Variants in DSCAM observed in about 807,000 individuals in gnomAD.
The protein encoded by DSCAM is DS cell adhesion molecule, also known as cell adhesion molecule DSCAM.
In DSCAM, 47 loss-of-function variants were observed where a neutral mutation model predicts 217.7. The ratio of observed to expected loss-of-function variants is 0.22; its 90% CI spans 0.17 to 0.28. The LOEUF (loss-of-function observed/expected upper bound fraction) is 0.28. DSCAM is among the 10% of genes least tolerant of loss of function. DSCAM has a pLI of 1.00. For synonymous variants in DSCAM, 1,056 were observed against 1,015.3 expected (o/e 1.04, Z -0.76); for missense variants, 2,080 against 2,618.3 (o/e 0.79, Z 4.49).
chr21:40,795,688 T>C (rs2091685398), intron 1 of DSCAM, among the ~76,000 whole-genome samples: 1 of 152,150 alleles, frequency 6.6e-6, no homozygotes, highest in Non-Finnish European at 1.5e-5. Context: ...CAGAGAATAA[T>C]CAGGGGAAAT....
chr21:40,138,216 G>T (rs945640177), intron 18 of DSCAM, among the ~76,000 whole-genome samples: 7 of 152,206 alleles, frequency 4.6e-5, no homozygotes, highest in African/African-American at 1.7e-4. Context: ...AACAATATTT[G>T]CCCCTCTCAG....
intron 13 of DSCAM, 33 bp downstream of exon 13, chr21:40,187,858 T>C (rs746513026): frequency 6.4e-7 from 1 of 1,564,214 alleles, no homozygotes; most frequent in South Asian, 1.1e-5. Flanking sequence ...CTGAAATGAC[T>C]GTGTTTATTC....
intron 3 of DSCAM, among the ~76,000 whole-genome samples, chr21:40,584,730 G>A (rs781731988): frequency 1.4e-4 from 21 of 152,080 alleles, no homozygotes; most frequent in African/African-American, 3.1e-4. Flanking sequence ...TCCAGGAAGC[G>A]CTGTAGGTGG....
At chr21:40,720,200 C>T (rs1415132756) in intron 1 of DSCAM, among the ~76,000 whole-genome samples, 3 of 152,230 alleles carry the variant, frequency 2.0e-5, no homozygotes, top group African/African-American at 4.8e-5. Context: ...CATAGGAATA[C>T]GTGAGTGGGT....
At chr21:40,678,691 T>C (rs747739097) in intron 3 of DSCAM, among the ~76,000 whole-genome samples, 2 of 152,166 alleles carry the variant, frequency 1.3e-5, no homozygotes, top group Non-Finnish European at 2.9e-5. Context: ...TGGTGAAGCA[T>C]ATTGATCACT....
intron 18 of DSCAM, 134 bp downstream of exon 18, chr21:40,142,424 A>G (rs1044610871): frequency 1.0e-6 from 1 of 967,048 alleles, no homozygotes; most frequent in Non-Finnish European, 1.5e-6. Flanking sequence ...GGGATGACAG[A>G]AAAGGGGAAA....
At position 40,716,321 on chromosome 21, in the gene DSCAM, C is replaced by T. The variant is rs549525639; in HGVS notation, c.44-7550G>A. Among the ~76,000 whole-genome samples, 4 of 152,170 alleles carry T rather than the reference C, an allele frequency of 2.6e-5. No individual in the cohort carries two copies. The South Asian group carries it at 8.3e-4, about 32-fold the overall frequency. Reference sequence around the variant, plus strand: ...TTCTTTTTATAGAGTGCCTCCTGCTCTTTAATACAGTAACATTTGCTTCCT... The same window carrying T: ...TTCTTTTTATAGAGTGCCTCCTGCTTTTTAATACAGTAACATTTGCTTCCT... On this transcript the variant is annotated intron_variant, in intron 1 of 32. Coordinates refer to ENST00000400454, the MANE Select transcript of DSCAM (RefSeq NM_001389.5).
At chr21:40,598,653 C>G (rs886620617) in intron 3 of DSCAM, among the ~76,000 whole-genome samples, 1 of 151,712 alleles carries the variant, frequency 6.6e-6, no homozygotes, top group Non-Finnish European at 1.5e-5. Flanking sequence ...TACAGGTGCA[C>G]GCCATGACAC....
chr21:40,175,297 A>G (rs1220234255), intron 15 of DSCAM, among the ~76,000 whole-genome samples: 1 of 152,042 alleles, frequency 6.6e-6, no homozygotes, highest in East Asian at 1.9e-4. Flanking sequence ...TATTTTTAGT[A>G]GAGACGGAGT....
chr21:40,453,608 C>G (rs1435332707), intron 3 of DSCAM, among the ~76,000 whole-genome samples: 1 of 152,236 alleles, frequency 6.6e-6, no homozygotes, highest in Admixed American at 6.5e-5. Flanking sequence ...TCCATCTGAG[C>G]ATTGCTTAGT....
intron 3 of DSCAM, among the ~76,000 whole-genome samples, chr21:40,636,654 A>G (rs1265680548): frequency 6.6e-6 from 1 of 151,756 alleles, no homozygotes; most frequent in Non-Finnish European, 1.5e-5. Flanking sequence ...ATACTATGCT[A>G]TATTTTCATT....
chr21:40,734,919 G>C lies in DSCAM; in HGVS notation c.44-26148C>G, dbSNP rs532279265. 2.4e-4 allele frequency among the ~76,000 whole-genome samples: 37 copies of C among 152,332 alleles called. No individual in the cohort carries two copies. The South Asian group carries it at 4.4e-3, about 18-fold the overall frequency. On this transcript the variant is annotated intron_variant, in intron 1 of 32. Coordinates refer to ENST00000400454, the MANE Select transcript of DSCAM (RefSeq NM_001389.5). ...GACAAACGTGAATGTGCTTTTGGAAGAGAAGAGAGTAGACAAAGTAAGAAG... is the reference window on the plus strand; with the variant it reads ...GACAAACGTGAATGTGCTTTTGGAACAGAAGAGAGTAGACAAAGTAAGAAG...
chr21:40,738,634 G>C (rs570136831), intron 1 of DSCAM, among the ~76,000 whole-genome samples: 9 of 152,146 alleles, frequency 5.9e-5, no homozygotes, highest in African/African-American at 1.2e-4. Context: ...GAATCACCTA[G>C]AGTGATTGTT....
At chr21:40,503,644 C>T (rs1023415137) in intron 3 of DSCAM, among the ~76,000 whole-genome samples, 1 of 152,162 alleles carries the variant, frequency 6.6e-6, no homozygotes, top group Non-Finnish European at 1.5e-5. Context: ...AACTCTCAAA[C>T]AAAAATACAC....
intron 11 of DSCAM, among the ~76,000 whole-genome samples, chr21:40,253,965 G>A (rs1172028317): frequency 1.3e-5 from 2 of 152,228 alleles, no homozygotes; most frequent in African/African-American, 4.8e-5. Flanking sequence ...CCAGGCAGAA[G>A]TGTGGGAAGC....
chr21:40,192,356 G>A (rs985556811), intron 11 of DSCAM, among the ~76,000 whole-genome samples: 2 of 152,148 alleles, frequency 1.3e-5, no homozygotes, highest in Non-Finnish European at 2.9e-5. Flanking sequence ...TTGAATCATA[G>A]GGGTGGTTAC....
chr21:40,644,774 G>T (rs1399242482), intron 3 of DSCAM, among the ~76,000 whole-genome samples: 1 of 152,072 alleles, frequency 6.6e-6, no homozygotes, highest in Non-Finnish European at 1.5e-5. Flanking sequence ...TTCATTCCTT[G>T]TTGCATTTTT....
chr21:40,119,241 A>C (rs2090006063), intron 20 of DSCAM, among the ~76,000 whole-genome samples: 1 of 152,208 alleles, frequency 6.6e-6, no homozygotes, highest in Admixed American at 6.5e-5. Flanking sequence ...GTGTAAGAGT[A>C]GTGCTCTATG....
At chr21:40,575,854 CAGA>C (rs1035536587) in intron 3 of DSCAM, among the ~76,000 whole-genome samples, 1 of 151,838 alleles carries the variant, frequency 6.6e-6, no homozygotes, top group South Asian at 2.1e-4. Flanking sequence ...TGTCACTTCC[CAGA>C]AGAAGACATA....
Sources: gnomAD v4.1 joint callset for allele counts (sites outside exome capture counted in the v4.1 genomes callset) on GRCh38, gnomAD v4.1.1 for gene constraint, MANE v1.5 for transcripts, NCBI Gene and HGNC (gene_info 2026-07-23, HGNC 2026-07-21) for gene names.